The following CNIH1 variants were observed in gnomAD, a reference collection of about 807,000 sequenced individuals.
The protein encoded by CNIH1 is protein cornichon homolog 1.
A neutral mutation model predicts 20.2 loss-of-function variants in CNIH1; 12 were observed. The ratio of observed to expected loss-of-function variants is 0.59; its 90% CI spans 0.38 to 0.96. The LOEUF is 0.96. CNIH1 is among the 40% of genes least tolerant of loss of function. CNIH1 has a pLI of 0.00. For synonymous variants in CNIH1, 69 were observed against 63.3 expected (o/e 1.09, Z -0.43); for missense variants, 152 against 178.8 (o/e 0.85, Z 0.85).
intron 1 of CNIH1, among the ~76,000 whole-genome samples, chr14:54,438,523 G>A (rs1479916630): frequency 6.6e-6 from 1 of 152,154 alleles, no homozygotes. Flanking sequence ...TTTAAGGAAT[G>A]ACTTTTAAGC....
Position 54,441,056 on chromosome 14 carries a change from C to T in CNIH1, c.81+191G>A, listed in dbSNP as rs1441498910. ...TGCCGAGGCAACGCGGGCGCGTCCA[C>T]CTGGCGACTGCGCGCCCCGGCTCCT... On this transcript the variant is annotated intron_variant, in intron 1 of 4. Coordinates refer to ENST00000216416, the MANE Select transcript of CNIH1 (RefSeq NM_005776.3). Among the ~76,000 whole-genome samples, 9 of 151,870 alleles carry T rather than the reference C, an allele frequency of 5.9e-5. No homozygotes were observed. In the East Asian group the frequency reaches 1.7e-3, roughly 29 times the overall value.
At chr14:54,434,753 C>T (rs2031022454) in intron 2 of CNIH1, among the ~76,000 whole-genome samples, 2 of 152,286 alleles carry the variant, frequency 1.3e-5, no homozygotes, top group Non-Finnish European at 2.9e-5. Context: ...ATTTCAGTTT[C>T]TTCATTTCCT....
chr14:54,428,141 A>G lies in CNIH1; in HGVS notation c.408-300T>C, dbSNP rs374963042. On this transcript the variant is annotated intron_variant, in intron 4 of 4. Transcript: ENST00000216416. ...GCCATCCAAACATCACACACTCTGG[A>G]GTTGTGTCTAATAATAGAATGAGTA... Among the ~76,000 whole-genome samples, 48 of 152,232 alleles carry G rather than the reference A, an allele frequency of 3.2e-4. 2 individuals carry two copies. The highest frequency in any genetic ancestry group is 1.1e-3 in the African/African-American group (47 of 41,552).
rs1368034363 is a variant in CNIH1 at position 54,423,811 on chromosome 14, T to C, written c.*4003A>G. 1.3e-5 allele frequency: 2 copies of C among 152,168 alleles called. No individual in the cohort carries two copies. The highest frequency in any genetic ancestry group is 2.9e-5 in the Non-Finnish European group (2 of 68,034). The allele number at this position is 152,168 out of a possible 1,614,324, so 9.4% of individuals were successfully genotyped here. On this transcript the variant is annotated 3_prime_UTR_variant, in exon 5 of 5. Transcript: ENST00000216416. ...ATGGGAACCAAAGAAATGTAAATAT[T>C]TCGAAAAAGCACTACACAATAAAAT...
chr14:54,427,872 A>G (rs1428804667), intron 4 of CNIH1, 31 bp from the exon 5 acceptor site: 3 of 1,606,440 alleles, frequency 1.9e-6, no homozygotes, highest in Admixed American at 1.7e-5. Flanking sequence ...GTTAATTTGA[A>G]CATTACTAAT....
intron 4 of CNIH1, among the ~76,000 whole-genome samples, chr14:54,429,965 T>C (rs889076341): frequency 3.3e-5 from 5 of 152,336 alleles, no homozygotes; most frequent in South Asian, 4.1e-4. Flanking sequence ...TATCCTTCAA[T>C]GACATCACTT....
intron 1 of CNIH1, among the ~76,000 whole-genome samples, chr14:54,438,474 A>G (rs978395066): frequency 5.9e-5 from 9 of 152,238 alleles, no homozygotes; most frequent in Non-Finnish European, 1.3e-4. Context: ...AAGATGCCCA[A>G]GTACACAATT....
intron 4 of CNIH1, 66 bp from the exon 5 acceptor site, chr14:54,427,907 A>G (rs2030858980): frequency 1.4e-6 from 2 of 1,475,254 alleles, no homozygotes; most frequent in Non-Finnish European, 1.9e-6. Flanking sequence ...TCAGAGCATG[A>G]GAGAGTATGC....
chr14:54,430,808 T>G (rs1010544666), intron 3 of CNIH1, among the ~76,000 whole-genome samples: 1 of 152,038 alleles, frequency 6.6e-6, no homozygotes, highest in African/African-American at 2.4e-5. Context: ...GAGTACTGGT[T>G]TTTTTTGGTT....
In CNIH1 at chr14:54,426,379, A is replaced by G. The variant is rs2030827018; in HGVS notation, c.*1435T>C. 1 of 152,214 alleles carries G rather than the reference A, an allele frequency of 6.6e-6. No homozygotes were observed. The allele number at this position is 152,214 out of a possible 1,614,324, so 9.4% of individuals were successfully genotyped here. A position where few individuals can be genotyped will look rare whatever the true frequency, so the allele number is the denominator to read the frequency against. On this transcript the variant is annotated 3_prime_UTR_variant, in exon 5 of 5. Coordinates refer to ENST00000216416, the MANE Select transcript of CNIH1 (RefSeq NM_005776.3). Reference sequence around the variant, plus strand: ...ACAGCATCTAATCCAACAAGTTCATAGAGTAAGATTTCCACAAACGCATCC... The same window carrying G: ...ACAGCATCTAATCCAACAAGTTCATGGAGTAAGATTTCCACAAACGCATCC...
chr14:54,430,816 G>GT lies in CNIH1; in HGVS notation c.264-413dup, dbSNP rs751971542. On this transcript the variant is annotated intron_variant, in intron 3 of 4. Transcript: ENST00000216416. ...TCATTCTGAGTACTGGTTTTTTTTG[G>GT]TTTTTTGTTTTGTTTTTTTGTTGTT... Among the ~76,000 whole-genome samples, 4 of 151,520 alleles carry GT rather than the reference G, an allele frequency of 2.6e-5. No homozygotes were observed. In the East Asian group the frequency reaches 5.8e-4, roughly 22 times the overall value.
chr14:54,430,096 C>T, intron 4 of CNIH1, 165 bp downstream of exon 4: 1 of 654,062 alleles, frequency 1.5e-6, no homozygotes, highest in Non-Finnish European at 2.5e-6. Flanking sequence ...TGACAAGCAC[C>T]AGTGTGGGCC....
At chr14:54,439,552 C>CTT (rs534454023) in intron 1 of CNIH1, among the ~76,000 whole-genome samples, 4 of 146,714 alleles carry the variant, frequency 2.7e-5, no homozygotes, top group African/African-American at 7.5e-5. Flanking sequence ...TTCTTTCTTT[C>CTT]TTTTTTTTTG....
At chr14:54,431,614 T>G (rs1359724728) in intron 3 of CNIH1, among the ~76,000 whole-genome samples, 1 of 152,246 alleles carries the variant, frequency 6.6e-6, no homozygotes, top group African/African-American at 2.4e-5. Flanking sequence ...TATTATCTTT[T>G]ACAAATAACC....
chr14:54,436,902 T>C, intron 1 of CNIH1: 1 of 346,496 alleles, frequency 2.9e-6, no homozygotes. Context: ...ATGCCATCGA[T>C]ATGGCTTTTC....
chr14:54,439,853 G>T, intron 1 of CNIH1, among the ~76,000 whole-genome samples: 1 of 151,992 alleles, frequency 6.6e-6, no homozygotes, highest in East Asian at 1.9e-4. Flanking sequence ...CCCGGCCATG[G>T]AACCACACAT....
intron 2 of CNIH1, among the ~76,000 whole-genome samples, chr14:54,434,662 C>T (rs534000365): frequency 6.6e-6 from 1 of 152,274 alleles, no homozygotes; most frequent in African/African-American, 2.4e-5. Flanking sequence ...ATATTTTTAC[C>T]TTCATCATCA....
At chr14:54,436,903 A>G (rs554977815) in intron 1 of CNIH1, 1 of 344,322 alleles carries the variant, frequency 2.9e-6, no homozygotes, top group Admixed American at 4.5e-5. Flanking sequence ...TGCCATCGAT[A>G]TGGCTTTTCT....
At chr14:54,439,378 C>T (rs963533531) in intron 1 of CNIH1, among the ~76,000 whole-genome samples, 21 of 151,750 alleles carry the variant, frequency 1.4e-4, no homozygotes, top group Admixed American at 3.3e-4. Context: ...TTTGAAAGTG[C>T]GGTTCAGGTT....
Sources: gnomAD v4.1 joint callset for allele counts (sites outside exome capture counted in the v4.1 genomes callset) on GRCh38, gnomAD v4.1.1 for gene constraint, MANE v1.5 for transcripts, NCBI Gene and HGNC (gene_info 2026-07-23, HGNC 2026-07-21) for gene names.